Variants in MTUS2 observed in about 807,000 individuals in gnomAD.
MTUS2 encodes the protein microtubule associated scaffold protein 2.
A neutral mutation model predicts 114.1 loss-of-function variants in MTUS2; 40 were observed. The observed-to-expected ratio is 0.35, with a 90% confidence interval of 0.27 to 0.46. MTUS2 has a LOEUF of 0.46. MTUS2 is among the 20% of genes least tolerant of loss of function. The pLI is 1.00. For synonymous variants in MTUS2, 688 were observed against 672.0 expected (o/e 1.02, Z -0.37); for missense variants, 1,679 against 1,705.4 (o/e 0.98, Z 0.27).
intron 2 of MTUS2, among the ~76,000 whole-genome samples, chr13:28,958,967 G>A (rs934463812): frequency 8.5e-5 from 13 of 152,110 alleles, no homozygotes; most frequent in African/African-American, 2.9e-4. Flanking sequence ...GAAGAGGGTA[G>A]GCTTCTGAGA....
intron 4 of MTUS2, among the ~76,000 whole-genome samples, chr13:29,089,299 G>A (rs1421648199): frequency 2.0e-5 from 3 of 152,178 alleles, no homozygotes; most frequent in African/African-American, 7.2e-5. Context: ...CTTTTGGCTT[G>A]TAGGGTTTCT....
At chr13:29,411,199 A>AT in intron 8 of MTUS2, among the ~76,000 whole-genome samples, 1 of 152,128 alleles carries the variant, frequency 6.6e-6, no homozygotes, top group Non-Finnish European at 1.5e-5. Flanking sequence ...TCTTTTTGGT[A>AT]TTTTTGTGGT....
In MTUS2 at chr13:29,362,906, C is replaced by A. The variant is rs1054433823; in HGVS notation, c.3117+3433C>A. On this transcript the variant is annotated intron_variant, in intron 8 of 15. Coordinates refer to ENST00000612955, the MANE Select transcript of MTUS2 (RefSeq NM_001033602.4). ...GCAGAGTAGCTGTGAAAGTTGTCAGCTCTAACACAGCCTCAGCCCAGCGTC... is the reference window on the plus strand; with the variant it reads ...GCAGAGTAGCTGTGAAAGTTGTCAGATCTAACACAGCCTCAGCCCAGCGTC... 2.0e-5 allele frequency among the ~76,000 whole-genome samples: 3 copies of A among 152,324 alleles called. No individual in the cohort carries two copies. In the South Asian group the frequency reaches 6.2e-4, roughly 32 times the overall value.
chr13:28,937,450 A>G (rs577850813), intron 2 of MTUS2, among the ~76,000 whole-genome samples: 42 of 152,240 alleles, frequency 2.8e-4, no homozygotes, highest in Middle Eastern at 3.4e-3. Flanking sequence ...GTCCCCTTCC[A>G]CACTGTGGAA....
At chr13:29,087,308 T>C (rs1337408500) in intron 4 of MTUS2, among the ~76,000 whole-genome samples, 1 of 152,244 alleles carries the variant, frequency 6.6e-6, no homozygotes, top group African/African-American at 2.4e-5. Context: ...GTTTTTAACA[T>C]GAAAGGATGT....
chr13:29,186,900 A>T lies in MTUS2; in HGVS notation c.2644+85930A>T, dbSNP rs144279090. Among the ~76,000 whole-genome samples, 316 of 152,306 alleles carry T rather than the reference A, an allele frequency of 2.1e-3. 3 individuals carry two copies. The highest frequency in any genetic ancestry group is 6.5e-4 in the Non-Finnish European group (44 of 68,012). On this transcript the variant is annotated intron_variant, in intron 5 of 15. Transcript: ENST00000612955. ...AAGTCAGCCTCAATGAGGGATTAAA[A>T]TTTTGCAAAGTATGTTAGTCAATGA...
chr13:29,131,108 A>G (rs1398910425), intron 5 of MTUS2, among the ~76,000 whole-genome samples: 3 of 152,184 alleles, frequency 2.0e-5, no homozygotes, highest in Non-Finnish European at 2.9e-5. Context: ...CAATTTTTCC[A>G]CTGGTCTAAA....
intron 2 of MTUS2, among the ~76,000 whole-genome samples, chr13:28,868,056 T>C (rs1877405116): frequency 6.6e-6 from 1 of 152,172 alleles, no homozygotes; most frequent in South Asian, 2.1e-4. Flanking sequence ...GGTCAAATCA[T>C]TCATCTTTAT....
intron 5 of MTUS2, among the ~76,000 whole-genome samples, chr13:29,215,322 G>T (rs1373803781): frequency 6.6e-6 from 1 of 151,780 alleles, no homozygotes; most frequent in Non-Finnish European, 1.5e-5. Context: ...CCTTTAGCTT[G>T]GAGGAGTTAG....
At chr13:28,946,925 G>C (rs1255513036) in intron 2 of MTUS2, among the ~76,000 whole-genome samples, 1 of 152,096 alleles carries the variant, frequency 6.6e-6, no homozygotes, top group African/African-American at 2.4e-5. Context: ...TTCCTTTGTA[G>C]AGAGCTTTAG....
At chr13:29,279,676 A>AT (rs1898194174) in intron 5 of MTUS2, among the ~76,000 whole-genome samples, 1 of 152,136 alleles carries the variant, frequency 6.6e-6, no homozygotes, top group Admixed American at 6.5e-5. Context: ...ATATTATTTT[A>AT]TTTTTTGGTA....
intron 2 of MTUS2, among the ~76,000 whole-genome samples, chr13:28,966,587 T>C (rs550724888): frequency 6.6e-6 from 1 of 151,924 alleles, no homozygotes; most frequent in Admixed American, 6.6e-5. Context: ...TAGCTGGGCA[T>C]AGTGGTACAT....
At chr13:28,989,508 T>C (rs887910917) in intron 2 of MTUS2, among the ~76,000 whole-genome samples, 1 of 151,314 alleles carries the variant, frequency 6.6e-6, no homozygotes, top group African/African-American at 2.4e-5. Context: ...AAGGAGGAGG[T>C]CGCAGGTTTG....
intron 8 of MTUS2, among the ~76,000 whole-genome samples, chr13:29,432,008 CTATTTTTTTTTTTTT>C (rs890359689): frequency 0.01 from 1,206 of 119,136 alleles, 16 homozygotes; most frequent in African/African-American, 0.035. Flanking sequence ...CCACGCTCAG[CTATTTTTTTTTTTTT>C]TTTTTTTTTG....
intron 5 of MTUS2, among the ~76,000 whole-genome samples, chr13:29,162,978 A>T (rs541180451): frequency 6.7e-5 from 10 of 148,642 alleles, no homozygotes; most frequent in Admixed American, 2.7e-4. Context: ...CTTGTCTCTA[A>T]AAGTTAGATC....
At chr13:29,457,367 A>T (rs916553088) in intron 9 of MTUS2, among the ~76,000 whole-genome samples, 7 of 150,642 alleles carry the variant, frequency 4.6e-5, no homozygotes, top group African/African-American at 1.5e-4. Context: ...CATTAGTTTT[A>T]CCTGTTCTTG....
chr13:28,914,294 CTGTT>C (rs1349064559), intron 2 of MTUS2, among the ~76,000 whole-genome samples: 3 of 152,030 alleles, frequency 2.0e-5, no homozygotes, highest in East Asian at 1.9e-4. Context: ...GGCATGTTGT[CTGTT>C]TGTTCTCATT....
chr13:28,905,076 A>G (rs1272812668), intron 2 of MTUS2, among the ~76,000 whole-genome samples: 1 of 151,560 alleles, frequency 6.6e-6, no homozygotes, highest in East Asian at 1.9e-4. Flanking sequence ...GGTTTATAAG[A>G]ATGCTTGTGA....
intron 5 of MTUS2, among the ~76,000 whole-genome samples, chr13:29,110,362 A>G (rs534090362): frequency 6.6e-6 from 1 of 152,320 alleles, no homozygotes; most frequent in South Asian, 2.1e-4. Context: ...CCATTGTACT[A>G]GGGCTTACTT....
Sources: gnomAD v4.1 joint callset for allele counts (sites outside exome capture counted in the v4.1 genomes callset) on GRCh38, gnomAD v4.1.1 for gene constraint, MANE v1.5 for transcripts, NCBI Gene and HGNC (gene_info 2026-07-23, HGNC 2026-07-21) for gene names.